Variants in RABL3 observed in about 807,000 individuals in gnomAD.
The protein encoded by RABL3 is RAB, member of RAS oncogene family like 3, also known as rab-like protein 3.
A neutral mutation model predicts 31.8 loss-of-function variants in RABL3; 31 were observed. The observed-to-expected ratio is 0.97, with a 90% CI of 0.73 to 1.31. The LOEUF is 1.31. Ranked by LOEUF, RABL3 falls within the 40% of genes most tolerant of loss-of-function variation. RABL3 has a pLI of 0.00. For missense variants in RABL3, 263 were observed against 279.6 expected (o/e 0.94, Z 0.42); for synonymous variants, 97 against 99.9 (o/e 0.97, Z 0.18).
intron 5 of RABL3, 42 bp from the exon 6 acceptor site, chr3:120,694,266 A>G (rs370086926): frequency 5.7e-6 from 8 of 1,395,480 alleles, no homozygotes; most frequent in Non-Finnish European, 8.1e-6. Flanking sequence ...AAGTTAGGAA[A>G]CCCAAGCTCG....
chr3:120,705,518 G>T (rs1433755455), intron 4 of RABL3, among the ~76,000 whole-genome samples: 2 of 152,112 alleles, frequency 1.3e-5, no homozygotes, highest in Admixed American at 1.3e-4. Context: ...TTTGGCAAAG[G>T]AGCAAAAGCA....
At chr3:120,690,148 C>A (rs1708362534) in intron 7 of RABL3, among the ~76,000 whole-genome samples, 1 of 152,102 alleles carries the variant, frequency 6.6e-6, no homozygotes, top group Non-Finnish European at 1.5e-5. Flanking sequence ...ACCTACTAGA[C>A]TTTTATAGAA....
intron 2 of RABL3, among the ~76,000 whole-genome samples, chr3:120,724,321 C>A (rs1325003094): frequency 6.6e-6 from 1 of 152,196 alleles, no homozygotes; most frequent in Non-Finnish European, 1.5e-5. Flanking sequence ...AATGGAAGAA[C>A]ATTCCATGCT....
At chr3:120,718,662 A>T (rs1457193379) in intron 2 of RABL3, among the ~76,000 whole-genome samples, 3 of 152,374 alleles carry the variant, frequency 2.0e-5, no homozygotes. Context: ...AAATAAAAAT[A>T]CTAAGACTGT....
chr3:120,722,102 T>G (rs1238468817), intron 2 of RABL3: 1 of 152,200 alleles, frequency 6.6e-6, no homozygotes, highest in Non-Finnish European at 1.5e-5. Context: ...TTATTCTGAC[T>G]ACCCCGACGC....
At chr3:120,722,490 T>A (rs192961330) in intron 2 of RABL3, 1 of 152,230 alleles carries the variant, frequency 6.6e-6, no homozygotes, top group African/African-American at 2.4e-5. Context: ...GCCTTCAAGA[T>A]GCCACATCCC....
At chr3:120,690,313 A>C (rs748274926) in intron 7 of RABL3, 136 bp downstream of exon 7, 21 of 655,316 alleles carry the variant, frequency 3.2e-5, no homozygotes, top group Non-Finnish European at 5.2e-5. Flanking sequence ...TTTTGTATTT[A>C]ACAGGATAGA....
In RABL3 at chr3:120,729,108, A is replaced by C. The variant is rs1708854456; in HGVS notation, c.138+1588T>G. On this transcript the variant is annotated intron_variant, in intron 2 of 7. Coordinates refer to ENST00000273375, the MANE Select transcript of RABL3 (RefSeq NM_173825.5). ...CCCAGTCAGTGAAAAGAGAGAAGAC[A>C]AGACAAGAAAAACATTGTCCATAGG... 2.0e-5 allele frequency among the ~76,000 whole-genome samples: 3 copies of C among 152,182 alleles called. No individual in the cohort carries two copies. The South Asian group carries it at 6.2e-4, about 32-fold the overall frequency.
In RABL3 at chr3:120,694,213, A is replaced by G; in HGVS notation, c.546T>C (p.Asn182=). 6.2e-7 allele frequency: 1 copy of G among 1,610,070 alleles called. No individual in the cohort carries two copies. The highest frequency in any genetic ancestry group is 8.5e-7 in the Non-Finnish European group (1 of 1,176,928). Residue 182 remains asparagine (N), a synonymous_variant, in exon 6 of 8, where the codon AAT becomes AAC. Coordinates refer to ENST00000273375, the MANE Select transcript of RABL3 (RefSeq NM_173825.5). ...AAGAACCTGCAGCTAAGTACCGTGG[A>G]TTTGTGCAGTCCTAGAAGATAAAAC... ...NPEEINLDCT[N]PRYLAAGSSN...
intron 1 of RABL3, among the ~76,000 whole-genome samples, chr3:120,735,101 A>G (rs952485059): frequency 6.6e-6 from 1 of 152,190 alleles, no homozygotes; most frequent in African/African-American, 2.4e-5. Flanking sequence ...GTTGATTGGA[A>G]TAGTTTCAGA....
intron 2 of RABL3, among the ~76,000 whole-genome samples, chr3:120,713,397 T>C (rs1224133306): frequency 6.6e-6 from 1 of 152,262 alleles, no homozygotes; most frequent in Non-Finnish European, 1.5e-5. Context: ...CTTCTAGTTA[T>C]GATGTTACAT....
chr3:120,716,783 T>C (rs1222038437), intron 2 of RABL3, among the ~76,000 whole-genome samples: 1 of 152,224 alleles, frequency 6.6e-6, no homozygotes, highest in African/African-American at 2.4e-5. Flanking sequence ...AACAGTGCTC[T>C]CCCAAGTTAT....
Position 120,718,439 on chromosome 3 carries a change from T to C in RABL3, c.139-8530A>G, listed in dbSNP as rs1193618804. Among the ~76,000 whole-genome samples the C allele has an allele frequency of 2.6e-5, 4 of 152,234 alleles. No homozygotes were observed. The East Asian group carries it at 7.7e-4, about 29-fold the overall frequency. Reference sequence around the variant, plus strand: ...ATCGTTAATATGTACTAGCTTCCTATTAGCATCTCATTCTTAGTCTTATAC... The same window carrying C: ...ATCGTTAATATGTACTAGCTTCCTACTAGCATCTCATTCTTAGTCTTATAC... On this transcript the variant is annotated intron_variant, in intron 2 of 7. Coordinates refer to ENST00000273375, the MANE Select transcript of RABL3 (RefSeq NM_173825.5).
chr3:120,732,098 T>A (rs1255674033), intron 1 of RABL3, among the ~76,000 whole-genome samples: 1 of 152,112 alleles, frequency 6.6e-6, no homozygotes, highest in African/African-American at 2.4e-5. Context: ...AACATGAAGG[T>A]TTATTTAATT....
chr3:120,685,324 A>G lies in RABL3; in HGVS notation c.*4499T>C, dbSNP rs1708296548. On this transcript the variant is annotated 3_prime_UTR_variant, in exon 8 of 8. Transcript: ENST00000273375. The stretch of plus-strand genomic sequence containing the variant: ...ATGGAACGGAGAGATTACCTGATAT[A>G]CTTGATGGTACTGAGCGAGGTTTTA... 1.3e-5 allele frequency among the ~76,000 whole-genome samples: 2 copies of G among 152,186 alleles called. No homozygotes were observed. The highest frequency in any genetic ancestry group is 1.3e-4 in the Admixed American group (2 of 15,280).
At chr3:120,698,657 T>TTA in intron 4 of RABL3, 84 bp from the exon 5 acceptor site, 3 of 1,161,360 alleles carry the variant, frequency 2.6e-6, no homozygotes, top group Non-Finnish European at 3.6e-6. Context: ...TAAGTTACAC[T>TTA]ATTTTACTGA....
chr3:120,722,528 A>G (rs1446344007), intron 2 of RABL3: 1 of 152,226 alleles, frequency 6.6e-6, no homozygotes, highest in Non-Finnish European at 1.5e-5. Context: ...ATCGCCTTCC[A>G]TGATCACGCC....
chr3:120,715,408 C>G (rs545152486), intron 2 of RABL3, among the ~76,000 whole-genome samples: 1 of 152,044 alleles, frequency 6.6e-6, no homozygotes, highest in East Asian at 1.9e-4. Context: ...CATGGTGGCA[C>G]GCACCTGTAA....
chr3:120,720,372 C>T (rs2089256), intron 2 of RABL3, among the ~76,000 whole-genome samples: 11,006 of 152,034 alleles, frequency 0.072, 1,323 homozygotes, highest in East Asian at 0.46. Context: ...AGGCTTCAGA[C>T]GATCAAACTA....
Sources: gnomAD v4.1 joint callset for allele counts (sites outside exome capture counted in the v4.1 genomes callset) on GRCh38, gnomAD v4.1.1 for gene constraint, MANE v1.5 for transcripts, NCBI Gene and HGNC (gene_info 2026-07-23, HGNC 2026-07-21) for gene names.